Variants in LOC400499 observed in about 807,000 individuals in gnomAD.
chr16:11,426,387 G>T, the LOC400499 span, among the ~76,000 whole-genome samples: 1 of 152,154 alleles, frequency 6.6e-6, no homozygotes, highest in Non-Finnish European at 1.5e-5. Flanking sequence ...AGGTTGCAAT[G>T]AGCAGAGATT....
chr16:11,418,680 G>A, the LOC400499 span, among the ~76,000 whole-genome samples: 3 of 152,286 alleles, frequency 2.0e-5, no homozygotes, highest in East Asian at 1.9e-4. Flanking sequence ...ACCCCATTCC[G>A]GTAACATGTT....
At chr16:11,383,416 A>G in the LOC400499 span, among the ~76,000 whole-genome samples, 7 of 152,332 alleles carry the variant, frequency 4.6e-5, no homozygotes, top group Admixed American at 3.3e-4. Flanking sequence ...TAATAGAGCA[A>G]GAACTCACTC....
At chr16:11,398,551 G>C in the LOC400499 span, 4 of 1,226,196 alleles carry the variant, frequency 3.3e-6, no homozygotes, top group Non-Finnish European at 4.1e-6. Context: ...CATCACCTAA[G>C]AGAATGCCCA....
the LOC400499 span, chr16:11,393,436 A>T: frequency 3.2e-6 from 4 of 1,232,262 alleles, no homozygotes; most frequent in South Asian, 1.6e-4. Context: ...GGGGCCCGGA[A>T]CACAGACAGC....
At chr16:11,516,915 G>T in the LOC400499 span, among the ~76,000 whole-genome samples, 2 of 152,130 alleles carry the variant, frequency 1.3e-5, no homozygotes, top group Admixed American at 1.3e-4. Flanking sequence ...CAAAGCTCTG[G>T]GATTACAGGC....
At chr16:11,511,312 CT>C in the LOC400499 span, among the ~76,000 whole-genome samples, 5 of 152,234 alleles carry the variant, frequency 3.3e-5, no homozygotes, top group African/African-American at 1.2e-4. Context: ...TTTTCTGTAA[CT>C]TTCCCCATAA....
the LOC400499 span, among the ~76,000 whole-genome samples, chr16:11,479,821 C>A: frequency 6.6e-6 from 1 of 152,142 alleles, no homozygotes; most frequent in Non-Finnish European, 1.5e-5. Context: ...TTTTCCATTT[C>A]TGTCCTCTTT....
the LOC400499 span, among the ~76,000 whole-genome samples, chr16:11,476,415 TGTCA>T: frequency 3.3e-5 from 5 of 152,132 alleles, no homozygotes; most frequent in East Asian, 9.7e-4. Context: ...CCACGGTCCC[TGTCA>T]GACACGCCCA....
chr16:11,385,263 G>A, the LOC400499 span: 16 of 1,232,204 alleles, frequency 1.3e-5, no homozygotes, highest in African/African-American at 2.2e-4. Flanking sequence ...CACGAACAGG[G>A]CTGTGAGCCC....
At chr16:11,492,798 G>C in the LOC400499 span, among the ~76,000 whole-genome samples, 1 of 146,446 alleles carries the variant, frequency 6.8e-6, no homozygotes, top group South Asian at 2.1e-4. Context: ...AAAAAAAAAA[G>C]TTAGGTGGTA....
chr16:11,518,456 G>A, the LOC400499 span, among the ~76,000 whole-genome samples: 18 of 152,142 alleles, frequency 1.2e-4, no homozygotes, highest in African/African-American at 2.9e-4. Context: ...CGGCAGAGTC[G>A]GGGAGGGGAA....
the LOC400499 span, among the ~76,000 whole-genome samples, chr16:11,379,966 T>C: frequency 6.6e-6 from 1 of 152,114 alleles, no homozygotes; most frequent in Non-Finnish European, 1.5e-5. Flanking sequence ...ACAAAGTATA[T>C]CTATTTTTAG....
chr16:11,400,644 T>C, the LOC400499 span, among the ~76,000 whole-genome samples: 1 of 152,128 alleles, frequency 6.6e-6, no homozygotes, highest in Non-Finnish European at 1.5e-5. Context: ...TTTCGCCATG[T>C]TGGCCAGGCT....
At chr16:11,448,772 A>C in the LOC400499 span, 1 of 493,704 alleles carries the variant, frequency 2.0e-6, no homozygotes, top group Non-Finnish European at 3.4e-6. Context: ...AGGAAAGAGA[A>C]AGAGAAATAG....
the LOC400499 span, chr16:11,472,955 C>T: frequency 6.6e-6 from 1 of 151,984 alleles, no homozygotes; most frequent in East Asian, 1.9e-4. Flanking sequence ...TAGGAAAAGC[C>T]TGTCTCTACT....
the LOC400499 span, chr16:11,477,861 G>T: frequency 7.5e-6 from 3 of 399,028 alleles, no homozygotes; most frequent in Non-Finnish European, 1.3e-5. Flanking sequence ...TCCGAGCGCT[G>T]CTGGAAGTCA....
At chr16:11,428,865 G>T in the LOC400499 span, among the ~76,000 whole-genome samples, 2 of 152,052 alleles carry the variant, frequency 1.3e-5, no homozygotes, top group Admixed American at 1.3e-4. Flanking sequence ...TAACATTTAG[G>T]TGGGGGGCAC....
the LOC400499 span, among the ~76,000 whole-genome samples, chr16:11,452,849 C>T: frequency 6.6e-6 from 1 of 152,218 alleles, no homozygotes; most frequent in Non-Finnish European, 1.5e-5. Context: ...TTCCTCAACT[C>T]TTCAATTTCA....
At chr16:11,493,621 T>A in the LOC400499 span, 1 of 395,292 alleles carries the variant, frequency 2.5e-6, no homozygotes, top group Non-Finnish European at 4.5e-6. Flanking sequence ...CCCAACCCCA[T>A]GAAACAGCAC....
Sources: allele counts gnomAD v4.1 joint callset (sites outside exome capture counted in the v4.1 genomes callset), GRCh38; gene constraint gnomAD v4.1.1; transcripts MANE v1.5.